Variants in PIGF observed in about 807,000 individuals in gnomAD.
The protein encoded by PIGF is phosphatidylinositol glycan anchor biosynthesis class F.
A neutral mutation model predicts 26.0 loss-of-function variants in PIGF; 23 were observed. That is an observed-to-expected ratio of 0.88 (90% CI 0.64 to 1.25). PIGF has a LOEUF of 1.25. PIGF is among the 50% of genes most tolerant of loss of function. PIGF has a pLI of 0.00. For missense variants in PIGF, 278 were observed against 249.9 expected (o/e 1.11, Z -0.76); for synonymous variants, 93 against 92.6 (o/e 1.00, Z -0.03).
chr2:46,608,853 TC>T (rs1000601374), intron 4 of PIGF, among the ~76,000 whole-genome samples: 17 of 152,322 alleles, frequency 1.1e-4, no homozygotes, highest in Non-Finnish European at 1.9e-4. Context: ...TGTGCTGTCA[TC>T]CAGACTTCGT....
chr2:46,609,909 T>C, intron 4 of PIGF, among the ~76,000 whole-genome samples: 1 of 152,174 alleles, frequency 6.6e-6, no homozygotes, highest in East Asian at 1.9e-4. Context: ...GAGTTTCCAA[T>C]GAAGAGAACA....
intron 4 of PIGF, among the ~76,000 whole-genome samples, chr2:46,597,290 C>T (rs1669917354): frequency 6.6e-6 from 1 of 152,144 alleles, no homozygotes; most frequent in Non-Finnish European, 1.5e-5. Context: ...TTTTCAGCAC[C>T]TCCTTCCATA....
chr2:46,598,528 G>GTTTTTT (rs1558704671), intron 4 of PIGF, among the ~76,000 whole-genome samples: 1 of 92,584 alleles, frequency 1.1e-5, no homozygotes, highest in African/African-American at 6.0e-5. Context: ...AACATTATGA[G>GTTTTTT]ATTTTTTTTT....
intron 5 of PIGF, chr2:46,582,014 G>T (rs2104048925): frequency 6.3e-6 from 1 of 158,574 alleles, no homozygotes; most frequent in East Asian, 1.9e-4. Context: ...CTTTCTTTAA[G>T]TTGTGTTAAA....
chr2:46,582,566 AATCTC>A (rs1006602833), intron 5 of PIGF: 10 of 152,404 alleles, frequency 6.6e-5, no homozygotes, highest in African/African-American at 2.2e-4. Flanking sequence ...TTAGAGAAAC[AATCTC>A]ATCACATTTT....
chr2:46,590,844 G>A (rs1199448425), intron 5 of PIGF, among the ~76,000 whole-genome samples: 1 of 152,168 alleles, frequency 6.6e-6, no homozygotes, highest in Non-Finnish European at 1.5e-5. Flanking sequence ...ATATAGTGAT[G>A]AAGAGTTAAA....
intron 4 of PIGF, 83 bp from the exon 5 acceptor site, chr2:46,592,666 G>A (rs1669757953): frequency 5.8e-6 from 4 of 691,600 alleles, no homozygotes; most frequent in South Asian, 1.6e-5. Context: ...CACATTATCA[G>A]TATACATATA....
chr2:46,585,478 T>G (rs2104062285), intron 5 of PIGF, among the ~76,000 whole-genome samples: 1 of 152,332 alleles, frequency 6.6e-6, no homozygotes, highest in Non-Finnish European at 1.5e-5. Flanking sequence ...CAGCTCATTT[T>G]AACATCTGAG....
Position 46,588,078 on chromosome 2 carries a change from G to T in PIGF, c.546+4397C>A. ...ATAAAATGGGAGTAAAACCTACCTT[G>T]CACTACGGTTGTCAGGATTAAGTTA... On this transcript the variant is annotated intron_variant, in intron 5 of 5. Transcript: ENST00000281382. The surrounding 1 kb of genome is among the most constrained non-coding windows in gnomAD (Gnocchi z 4.1). The T allele has an allele frequency of 6.3e-7, 1 of 1,577,264 alleles. No homozygotes were observed. The highest frequency in any genetic ancestry group is 2.3e-5 in the East Asian group (1 of 43,476).
chr2:46,595,712 T>C (rs1669861491), intron 4 of PIGF, among the ~76,000 whole-genome samples: 1 of 152,218 alleles, frequency 6.6e-6, no homozygotes, highest in Admixed American at 6.5e-5. Context: ...CCATTTTATA[T>C]TCCCACCAGC....
intron 4 of PIGF, 26 bp downstream of exon 4, chr2:46,612,202 C>A: frequency 1.5e-6 from 1 of 664,782 alleles, no homozygotes; most frequent in South Asian, 3.2e-5. Flanking sequence ...ATTTCAATAT[C>A]ATTATAATAT....
rs1191787595 is a variant in PIGF, at chr2:46,604,934, TTG to T, written c.437+7292_437+7293del. Among the ~76,000 whole-genome samples, 11 of 152,106 alleles carry T rather than the reference TTG, an allele frequency of 7.2e-5. No homozygotes were observed. In the East Asian group the frequency reaches 9.6e-4, roughly 13 times the overall value. On this transcript the variant is annotated intron_variant, in intron 4 of 5. Transcript: ENST00000281382. ...AATACCCTGATGTGATTATTATGCATTGTGTGTCTGTATCAAAATATCTCATG... is the reference window on the plus strand; with the variant it reads ...AATACCCTGATGTGATTATTATGCATTGTGTCTGTATCAAAATATCTCATG...
At chr2:46,599,448 C>T (rs1315011802) in intron 4 of PIGF, among the ~76,000 whole-genome samples, 1 of 152,018 alleles carries the variant, frequency 6.6e-6, no homozygotes, top group East Asian at 1.9e-4. Context: ...TTTCATTTCT[C>T]CTCTATATTT....
rs145169711 is a variant in PIGF, at chr2:46,589,494, T to TTG, written c.546+2979_546+2980dup. ...AACATGTAGTAGATTTTGTGGGGTT[T>TTG]TGTGTGTGTGTGTGCATGTGTGTGT... On this transcript the variant is annotated intron_variant, in intron 5 of 5. Coordinates refer to ENST00000281382, the MANE Select transcript of PIGF (RefSeq NM_002643.4). The surrounding 1 kb of genome is among the most constrained non-coding windows in gnomAD (Gnocchi z 4.7). Among the ~76,000 whole-genome samples, 19 of 151,400 alleles carry TTG rather than the reference T, an allele frequency of 1.3e-4. No individual in the cohort carries two copies. In the East Asian group the frequency reaches 3.3e-3, roughly 26 times the overall value.
At position 46,604,017 on chromosome 2, in the gene PIGF, A is replaced by C. The variant is rs1215882032; in HGVS notation, c.437+8211T>G. On this transcript the variant is annotated intron_variant, in intron 4 of 5. Coordinates refer to ENST00000281382, the MANE Select transcript of PIGF (RefSeq NM_002643.4). ...AGCTCAAACAACTCTACAGGGAAAA[A>C]AAACCCCTAATAATCCAATTTACAA... Among the ~76,000 whole-genome samples the C allele has an allele frequency of 2.6e-5, 4 of 152,108 alleles. No individual in the cohort carries two copies. In the East Asian group the frequency reaches 7.7e-4, roughly 29 times the overall value.
At chr2:46,584,767 AT>A (rs1669514685) in intron 5 of PIGF, among the ~76,000 whole-genome samples, 1 of 152,086 alleles carries the variant, frequency 6.6e-6, no homozygotes, top group Non-Finnish European at 1.5e-5. Context: ...TAACCCTGTC[AT>A]TTTTTTAAAA....
chr2:46,612,868 T>C (rs1291771103), intron 3 of PIGF, among the ~76,000 whole-genome samples: 6 of 152,174 alleles, frequency 3.9e-5, no homozygotes, highest in Admixed American at 3.9e-4. Flanking sequence ...TTTGATAAAA[T>C]GCTGATGCTG....
At chr2:46,592,627 G>A in intron 4 of PIGF, 44 bp from the exon 5 acceptor site, 1 of 922,140 alleles carries the variant, frequency 1.1e-6, no homozygotes, top group East Asian at 2.4e-5. Context: ...ATATACATGA[G>A]CTGCTGGAGA....
intron 4 of PIGF, among the ~76,000 whole-genome samples, chr2:46,602,679 G>A (rs139186205): frequency 4.4e-4 from 67 of 151,818 alleles, no homozygotes; most frequent in African/African-American, 1.4e-3. Flanking sequence ...GACACTTCAA[G>A]GTATTTTAAA....
Sources: allele counts gnomAD v4.1 joint callset (sites outside exome capture counted in the v4.1 genomes callset), GRCh38; gene constraint gnomAD v4.1.1; non-coding constraint Gnocchi (gnomAD v3.1); transcripts MANE v1.5; gene names NCBI Gene and HGNC (gene_info 2026-07-23, HGNC 2026-07-21).